The following TIAM2 variants were observed in gnomAD, a reference collection of about 807,000 sequenced individuals.
TIAM2 encodes TIAM Rac1 associated GEF 2.
A neutral mutation model predicts 152.9 loss-of-function variants in TIAM2; 80 were observed. That is an observed-to-expected ratio of 0.52 (90% CI 0.44 to 0.63). The LOEUF (loss-of-function observed/expected upper bound fraction) is 0.63. TIAM2 is among the 30% of genes least tolerant of loss of function. TIAM2 has a pLI of 0.00. For synonymous variants in TIAM2, 804 were observed against 838.0 expected (o/e 0.96, Z 0.70); for missense variants, 1,965 against 2,120.1 (o/e 0.93, Z 1.44).
chr6:155,254,191 C>A, intron 25 of TIAM2, 131 bp downstream of exon 25: 3 of 1,058,750 alleles, frequency 2.8e-6, no homozygotes, highest in Non-Finnish European at 4.1e-6. Flanking sequence ...CCGAAAAAGG[C>A]AACTGAGGCC....
chr6:155,179,213 AT>A lies in TIAM2; in HGVS notation c.2628+75del, dbSNP rs1780831804. 3.3e-6 allele frequency: 5 copies of A among 1,506,092 alleles called. No homozygotes were observed. The African/African-American group carries it at 7.0e-5, about 21-fold the overall frequency. 93.3% of individuals were successfully genotyped at this position (1,506,092 alleles called of 1,614,324 possible). The stretch of plus-strand genomic sequence containing the variant: ...TGGCCCTTTGATTTTGAAAAATGTC[AT>A]TTTTGGGGAAAATTCTGTTTAAATT... On this transcript the variant is annotated intron_variant, in intron 11 of 26. Coordinates refer to ENST00000682666, the MANE Select transcript of TIAM2 (RefSeq NM_012454.4).
chr6:155,059,210 TTTC>T (rs1412274625), intron 1 of TIAM2, among the ~76,000 whole-genome samples: 2 of 152,262 alleles, frequency 1.3e-5, no homozygotes, highest in East Asian at 3.9e-4. Flanking sequence ...CCATTTCTTG[TTTC>T]TTCTTTGTCT....
At chr6:155,226,770 T>G (rs1029989171) in intron 15 of TIAM2, among the ~76,000 whole-genome samples, 1 of 152,198 alleles carries the variant, frequency 6.6e-6, no homozygotes, top group African/African-American at 2.4e-5. Context: ...CAAATTCAGG[T>G]GGTGACATAG....
intron 1 of TIAM2, among the ~76,000 whole-genome samples, chr6:155,079,583 G>T (rs1255193637): frequency 6.6e-6 from 1 of 152,212 alleles, no homozygotes; most frequent in Non-Finnish European, 1.5e-5. Flanking sequence ...ACAGCTGGGG[G>T]TTCAGATGTT....
intron 18 of TIAM2, 188 bp downstream of exon 18, chr6:155,244,971 C>A (rs749273844): frequency 2.5e-5 from 16 of 634,600 alleles, no homozygotes; most frequent in Non-Finnish European, 3.5e-5. Flanking sequence ...ATTTTTTTTT[C>A]CTGGCGCAGG....
chr6:155,128,503 C>T (rs1339352800), intron 3 of TIAM2, among the ~76,000 whole-genome samples: 1 of 152,128 alleles, frequency 6.6e-6, no homozygotes, highest in African/African-American at 2.4e-5. Context: ...TCTCTCTGAT[C>T]ACTGAGATCT....
At chr6:155,017,967 A>G (rs1387624234) in intron 1 of TIAM2, among the ~76,000 whole-genome samples, 1 of 152,196 alleles carries the variant, frequency 6.6e-6, no homozygotes, top group African/African-American at 2.4e-5. Flanking sequence ...TGAGTGTAAC[A>G]TACACAGGAG....
intron 2 of TIAM2, among the ~76,000 whole-genome samples, chr6:155,092,058 C>G (rs543571595): frequency 1.8e-4 from 27 of 146,878 alleles, no homozygotes; most frequent in Non-Finnish European, 2.9e-4. Context: ...CCACTGGGCC[C>G]GGCTAGTTTT....
chr6:155,088,818 AAGCTC>A (rs531701185), intron 1 of TIAM2, among the ~76,000 whole-genome samples: 49 of 152,310 alleles, frequency 3.2e-4, no homozygotes, highest in African/African-American at 1.0e-3. Context: ...TTTTTTTTAA[AAGCTC>A]ATCAGCTATC....
chr6:155,040,259 A>G (rs1490274806), intron 1 of TIAM2, among the ~76,000 whole-genome samples: 1 of 152,184 alleles, frequency 6.6e-6, no homozygotes, highest in Non-Finnish European at 1.5e-5. Context: ...TACTTCATCA[A>G]TCAGGGTTTA....
chr6:155,009,445 A>G (rs1450191332), intron 1 of TIAM2, among the ~76,000 whole-genome samples: 7 of 151,938 alleles, frequency 4.6e-5, no homozygotes, highest in Non-Finnish European at 1.0e-4. Context: ...TTGCATCTCT[A>G]TGATGTTTCT....
intron 1 of TIAM2, among the ~76,000 whole-genome samples, chr6:155,012,105 A>T (rs544342864): frequency 6.6e-6 from 1 of 152,374 alleles, no homozygotes; most frequent in Admixed American, 6.5e-5. Context: ...GGAGTAGTTA[A>T]TAAATAACAT....
At chr6:155,245,780 A>G (rs1285769207) in intron 19 of TIAM2, 49 bp downstream of exon 19, 1 of 907,436 alleles carries the variant, frequency 1.1e-6, no homozygotes, top group Non-Finnish European at 1.5e-6. Context: ...TGCATTTTTA[A>G]CTGTTAGTAA....
chr6:155,155,577 T>C (rs113723813), intron 7 of TIAM2, among the ~76,000 whole-genome samples: 11,982 of 152,282 alleles, frequency 0.079, 615 homozygotes, highest in African/African-American at 0.15. Flanking sequence ...AGGGTTCCAG[T>C]GATTCTCCTG....
intron 1 of TIAM2, among the ~76,000 whole-genome samples, chr6:155,059,107 C>T (rs1777511346): frequency 6.6e-6 from 1 of 152,104 alleles, no homozygotes; most frequent in African/African-American, 2.4e-5. Flanking sequence ...TGGACTTTCC[C>T]CAGTTTTTCC....
intron 2 of TIAM2, among the ~76,000 whole-genome samples, chr6:155,109,100 C>T (rs969364523): frequency 6.6e-6 from 1 of 152,172 alleles, no homozygotes; most frequent in Non-Finnish European, 1.5e-5. Context: ...TCTCCTGCCT[C>T]AGCCTCCCGA....
chr6:155,048,954 C>T (rs972386938), intron 1 of TIAM2, among the ~76,000 whole-genome samples: 1 of 151,956 alleles, frequency 6.6e-6, no homozygotes, highest in Non-Finnish European at 1.5e-5. Flanking sequence ...GTGCATGCCA[C>T]CATGCACCTA....
chr6:155,114,913 C>T (rs907413631), intron 2 of TIAM2, among the ~76,000 whole-genome samples: 19 of 152,032 alleles, frequency 1.2e-4, no homozygotes, highest in African/African-American at 1.2e-4. Flanking sequence ...CTACAACCTC[C>T]GCCTTCCAGG....
At chr6:155,119,021 C>T (rs759663991) in intron 2 of TIAM2, among the ~76,000 whole-genome samples, 2 of 151,152 alleles carry the variant, frequency 1.3e-5, no homozygotes, top group East Asian at 1.9e-4. Context: ...GACTTCCCTT[C>T]CCTTCCATTC....
Sources: allele counts gnomAD v4.1 joint callset (sites outside exome capture counted in the v4.1 genomes callset), GRCh38; gene constraint gnomAD v4.1.1; transcripts MANE v1.5; gene names NCBI Gene and HGNC (gene_info 2026-07-23, HGNC 2026-07-21).